GPHN: variants seen among roughly 807,000 people sequenced by gnomAD.
GPHN encodes the protein gephyrin.
Under a neutral mutation model 95.5 loss-of-function variants are expected in GPHN, and 17 were observed. That is an observed-to-expected ratio of 0.18 (90% CI 0.12 to 0.27). GPHN has a LOEUF of 0.27. Among genes scored for constraint, GPHN ranks in the 10% least tolerant of loss-of-function variants. GPHN has a pLI of 1.00. For synonymous variants in GPHN, 320 were observed against 322.5 expected (o/e 0.99, Z 0.08); for missense variants, 660 against 978.1 (o/e 0.67, Z 4.34).
chr14:66,921,951 A>G (rs2066240431), intron 6 of GPHN, among the ~76,000 whole-genome samples: 1 of 152,152 alleles, frequency 6.6e-6, no homozygotes, highest in Non-Finnish European at 1.5e-5. Flanking sequence ...ACAAAAACAT[A>G]AAGTAGGAAA....
At chr14:67,559,397 C>G in the GPHN span, among the ~76,000 whole-genome samples, 1 of 152,164 alleles carries the variant, frequency 6.6e-6, no homozygotes, top group African/African-American at 2.4e-5. Context: ...TTCAGCCAAC[C>G]CCTTCGTGGT....
intron 4 of GPHN, among the ~76,000 whole-genome samples, chr14:66,829,377 T>C (rs111921427): frequency 0.016 from 2,374 of 152,212 alleles, 32 homozygotes; most frequent in Non-Finnish European, 0.018. Flanking sequence ...CATGAACCAC[T>C]GTGCCTGGCC....
At chr14:67,054,913 A>G (rs1182159873) in intron 10 of GPHN, among the ~76,000 whole-genome samples, 1 of 152,028 alleles carries the variant, frequency 6.6e-6, no homozygotes, top group Non-Finnish European at 1.5e-5. Flanking sequence ...TTGAAACCGG[A>G]CCCTTTCCTT....
At chr14:67,334,800 A>ATACT in the GPHN span, 1 of 152,234 alleles carries the variant, frequency 6.6e-6, no homozygotes, top group South Asian at 2.1e-4. Context: ...ACTAAGGAAT[A>ATACT]TACTTAGCAC....
At chr14:67,210,195 A>G in the GPHN span, among the ~76,000 whole-genome samples, 1 of 152,266 alleles carries the variant, frequency 6.6e-6, no homozygotes, top group Non-Finnish European at 1.5e-5. Flanking sequence ...AAGTAATCCA[A>G]ATGCTCACAA....
the GPHN span, among the ~76,000 whole-genome samples, chr14:67,267,710 C>T: frequency 6.6e-6 from 1 of 152,146 alleles, no homozygotes; most frequent in African/African-American, 2.4e-5. Flanking sequence ...TATTAGGACA[C>T]TTTTATCACA....
chr14:67,329,320 T>C, the GPHN span, among the ~76,000 whole-genome samples: 14 of 152,376 alleles, frequency 9.2e-5, no homozygotes, highest in Admixed American at 1.3e-4. Flanking sequence ...TTTCTGCACA[T>C]TGATTTTGTA....
At chr14:67,330,209 G>C in the GPHN span, among the ~76,000 whole-genome samples, 1 of 150,516 alleles carries the variant, frequency 6.6e-6, no homozygotes, top group Non-Finnish European at 1.5e-5. Flanking sequence ...AAAGAAATAA[G>C]TTGGAGGGCA....
the GPHN span, chr14:67,577,960 C>A: frequency 6.7e-7 from 1 of 1,486,812 alleles, no homozygotes; most frequent in Non-Finnish European, 9.2e-7. Flanking sequence ...AATGGCCAAG[C>A]CGTTGAGTTC....
At chr14:67,501,060 T>TAAC in the GPHN span, among the ~76,000 whole-genome samples, 1 of 146,982 alleles carries the variant, frequency 6.8e-6, no homozygotes. Context: ...ATAATAATAA[T>TAAC]AATAATAATA....
chr14:67,707,156 C>A, the GPHN span, among the ~76,000 whole-genome samples: 30 of 152,090 alleles, frequency 2.0e-4, no homozygotes, highest in East Asian at 5.6e-3. Flanking sequence ...TTAGTGACTC[C>A]AAATTAGGAA....
chr14:67,334,319 C>CTT, the GPHN span: 1 of 152,696 alleles, frequency 6.5e-6, no homozygotes, highest in East Asian at 1.9e-4. Context: ...GGCATGGAAA[C>CTT]TTAATTTGCA....
the GPHN span, among the ~76,000 whole-genome samples, chr14:67,452,325 CA>C: frequency 0.35 from 37,334 of 107,678 alleles, 4,864 homozygotes; most frequent in Middle Eastern, 0.43. Flanking sequence ...GACTCTGTCT[CA>C]AAAAAAAAAA....
At chr14:66,979,428 C>T (rs951539976) in intron 9 of GPHN, among the ~76,000 whole-genome samples, 9 of 152,228 alleles carry the variant, frequency 5.9e-5, no homozygotes. Context: ...CTTCACATTG[C>T]TCTTATGTTA....
chr14:67,590,025 T>C, the GPHN span: 4 of 1,508,434 alleles, frequency 2.7e-6, no homozygotes, highest in African/African-American at 4.2e-5. Flanking sequence ...CCAGCCCCTA[T>C]GGCTTAAGAG....
At chr14:66,817,047 A>G (rs767372094) in intron 3 of GPHN, among the ~76,000 whole-genome samples, 37 of 152,288 alleles carry the variant, frequency 2.4e-4, no homozygotes, top group Middle Eastern at 3.4e-3. Flanking sequence ...ATATTTATAA[A>G]TACATGTAGT....
chr14:66,933,536 G>A (rs965459720), intron 8 of GPHN, among the ~76,000 whole-genome samples: 1 of 152,120 alleles, frequency 6.6e-6, no homozygotes, highest in South Asian at 2.1e-4. Context: ...GAAGCAATGT[G>A]GAATAATGTT....
chr14:66,664,451 T>C (rs1441626726), intron 1 of GPHN, among the ~76,000 whole-genome samples: 2 of 152,146 alleles, frequency 1.3e-5, no homozygotes, highest in African/African-American at 2.4e-5. Context: ...AAAGATACAA[T>C]GTACCAGATT....
At chr14:66,863,014 T>C (rs1349764492) in intron 4 of GPHN, among the ~76,000 whole-genome samples, 1 of 152,036 alleles carries the variant, frequency 6.6e-6, no homozygotes, top group East Asian at 1.9e-4. Flanking sequence ...GGCATCCACA[T>C]TGGAAAGGAA....
Sources: gnomAD v4.1 joint callset for allele counts (sites outside exome capture counted in the v4.1 genomes callset) on GRCh38, gnomAD v4.1.1 for gene constraint, MANE v1.5 for transcripts, NCBI Gene and HGNC (gene_info 2026-07-23, HGNC 2026-07-21) for gene names.